The following RAB33A variants were observed in gnomAD, a reference collection of about 807,000 sequenced individuals.
RAB33A encodes the protein RAB33A, member RAS oncogene family.
Under a neutral mutation model 12.0 loss-of-function variants are expected in RAB33A, and 6 were observed. The observed-to-expected ratio is 0.50, with a 90% CI of 0.27 to 0.99. The LOEUF is 0.99. Ranked by LOEUF, RAB33A falls within the 50% of genes least tolerant of loss-of-function variation. The pLI, the probability that RAB33A is intolerant of heterozygous loss-of-function variation, is 0.11. For missense variants in RAB33A, 109 were observed against 192.0 expected, an observed-to-expected ratio of 0.57 and a Z score of 2.55; for synonymous variants, 70 against 82.4, an observed-to-expected ratio of 0.85 and a Z score of 0.81.
At chrX:130,179,290 G>A (rs972306395) in intron 1 of RAB33A, among the ~76,000 whole-genome samples, 8 of 112,060 alleles carry the variant, frequency 7.1e-5, no homozygotes, top group African/African-American at 2.6e-4. Flanking sequence ...CAATTATGAA[G>A]CCAAAGAAAA....
chrX:130,121,596 G>A, the RAB33A span, among the ~76,000 whole-genome samples: 1 of 112,458 alleles, frequency 8.9e-6, no homozygotes, highest in African/African-American at 3.2e-5. Context: ...TGGGCTCCCC[G>A]GGAAGGATTC....
chrX:130,146,999 T>C, the RAB33A span, among the ~76,000 whole-genome samples: 1 of 110,352 alleles, frequency 9.1e-6, no homozygotes, highest in African/African-American at 3.3e-5. Flanking sequence ...ATCTCTACTA[T>C]AAAATACAAA....
At chrX:130,154,827 T>C in the RAB33A span, among the ~76,000 whole-genome samples, 1 of 112,814 alleles carries the variant, frequency 8.9e-6, no homozygotes, top group Non-Finnish European at 1.9e-5. Context: ...ACTCTGAGAC[T>C]GTCTTGTTAG....
At chrX:130,131,615 A>C in the RAB33A span, 1 of 1,198,328 alleles carries the variant, frequency 8.3e-7, no homozygotes, top group Non-Finnish European at 1.1e-6. Flanking sequence ...CCCCTTGTTC[A>C]GGAGAATCTG....
chrX:130,171,831 C>T (rs779060053), upstream of RAB33A: 628 of 400,384 alleles, frequency 1.6e-3, 4 homozygotes, highest in African/African-American at 0.015. Context: ...TTGGTGCCTC[C>T]GAGCTGCAAG....
chrX:130,165,670 A>G, the RAB33A span: 2 of 1,167,081 alleles, frequency 1.7e-6, no homozygotes, highest in Non-Finnish European at 1.2e-6. Context: ...GGCGACCGCT[A>G]TTCGGGACCT....
At chrX:130,140,000 C>G in the RAB33A span, 3 of 596,213 alleles carry the variant, frequency 5.0e-6, no homozygotes, top group African/African-American at 2.2e-5. Flanking sequence ...GATAGGATAC[C>G]AAGGCTTTGT....
At position 130,182,157 on chromosome X, in the gene RAB33A, A is replaced by AATAT. The variant is rs1300343120; in HGVS notation, c.259-2106_259-2103dup. On this transcript the variant is annotated intron_variant, in intron 1 of 1. Coordinates refer to ENST00000257017, the MANE Select transcript of RAB33A (RefSeq NM_004794.3). ...GTCTCTACAAAAAAAAAAAAAAAAA[A>AATAT]ATATATATATATATATATATATATA... 6.5e-4 allele frequency among the ~76,000 whole-genome samples: 29 copies of AATAT among 44,608 alleles called. No individual in the cohort carries two copies. The East Asian group carries it at 8.7e-3, about 13-fold the overall frequency. 38.7% of individuals were successfully genotyped at this position (44,608 alleles called of 115,157 possible). A position where few individuals can be genotyped will look rare whatever the true frequency, so the allele number is the denominator to read the frequency against.
At chrX:130,172,397 C>T (rs2124685228) in intron 1 of RAB33A, 77 bp downstream of exon 1, 5 of 1,100,538 alleles carry the variant, frequency 4.5e-6, no homozygotes, top group Middle Eastern at 2.9e-4. Flanking sequence ...TAGCGGTTGT[C>T]GTCGTCCAGC....
the RAB33A span, among the ~76,000 whole-genome samples, chrX:130,112,574 A>G: frequency 8.9e-6 from 1 of 112,128 alleles, no homozygotes; most frequent in Admixed American, 9.5e-5. Flanking sequence ...ACAGAACAAA[A>G]ACAAAAACTA....
chrX:130,158,704 T>TAAAAA, the RAB33A span, among the ~76,000 whole-genome samples: 4 of 44,076 alleles, frequency 9.1e-5, no homozygotes, highest in African/African-American at 3.6e-4. Context: ...GCTGATGAGC[T>TAAAAA]AAAAAAAAAA....
At chrX:130,118,884 C>A in the RAB33A span, among the ~76,000 whole-genome samples, 1 of 111,580 alleles carries the variant, frequency 9.0e-6, no homozygotes. Context: ...TCCCCTCGTG[C>A]ATGCATGTGT....
At chrX:130,119,087 G>T in the RAB33A span, among the ~76,000 whole-genome samples, 2 of 111,407 alleles carry the variant, frequency 1.8e-5, no homozygotes, top group South Asian at 7.6e-4. Context: ...GACGGGAGAG[G>T]GGCTGGAGGG....
the RAB33A span, among the ~76,000 whole-genome samples, chrX:130,115,709 A>AAAAGAAAGAAAGAAAG: frequency 9.7e-6 from 1 of 102,855 alleles, no homozygotes; most frequent in African/African-American, 3.7e-5. Context: ...GGAGAAAGAA[A>AAAAGAAAGAAAGAAAG]AAAGAAAGAA....
the RAB33A span, among the ~76,000 whole-genome samples, chrX:130,115,569 C>T: frequency 2.5e-3 from 279 of 109,609 alleles, 1 homozygote; most frequent in African/African-American, 9.2e-3. Context: ...GCCGATATCA[C>T]GCCACTGTAC....
the RAB33A span, among the ~76,000 whole-genome samples, chrX:130,135,439 T>TTTTAAA: frequency 1.4e-4 from 10 of 72,939 alleles, no homozygotes; most frequent in African/African-American, 4.7e-4. Flanking sequence ...TTTTTTTTTT[T>TTTTAAA]AAAAAAAAAA....
the RAB33A span, among the ~76,000 whole-genome samples, chrX:130,163,168 G>A: frequency 4.5e-5 from 5 of 110,026 alleles, no homozygotes; most frequent in African/African-American, 9.9e-5. Flanking sequence ...AAATTAGCCC[G>A]GCGTGGTGGT....
intron 1 of RAB33A, among the ~76,000 whole-genome samples, chrX:130,173,920 A>G (rs2031637091): frequency 8.9e-6 from 1 of 112,127 alleles, no homozygotes; most frequent in African/African-American, 3.2e-5. Flanking sequence ...CTTAAAATCA[A>G]GTGCTACAGT....
the RAB33A span, among the ~76,000 whole-genome samples, chrX:130,141,407 A>G: frequency 8.9e-6 from 1 of 111,871 alleles, no homozygotes; most frequent in South Asian, 3.8e-4. Context: ...CCTTTCTTAT[A>G]TGGCTGTTTG....
Sources: gnomAD v4.1 joint callset for allele counts (sites outside exome capture counted in the v4.1 genomes callset) on GRCh38, gnomAD v4.1.1 for gene constraint, MANE v1.5 for transcripts, NCBI Gene and HGNC (gene_info 2026-07-23, HGNC 2026-07-21) for gene names.